CUX2: variants seen among roughly 807,000 people sequenced by gnomAD.
CUX2 encodes homeobox protein cut-like 2.
In CUX2, 40 loss-of-function variants were observed where a neutral mutation model predicts 144.8. The observed-to-expected ratio is 0.28, with a 90% CI of 0.21 to 0.36. CUX2 has a LOEUF of 0.36. Ranked by LOEUF, CUX2 falls within the 10% of genes least tolerant of loss-of-function variation. CUX2 has a pLI of 1.00. For synonymous variants in CUX2, 827 were observed against 875.6 expected, an observed-to-expected ratio of 0.94 and a Z score of 0.98; for missense variants, 1,615 against 1,994.0, an observed-to-expected ratio of 0.81 and a Z score of 3.62.
chr12:111,106,021 C>A (rs4766535), intron 1 of CUX2, among the ~76,000 whole-genome samples: 2 of 151,828 alleles, frequency 1.3e-5, no homozygotes, highest in Non-Finnish European at 2.9e-5. Flanking sequence ...TATGCCACCA[C>A]GCCTGGCTAA....
chr12:111,065,420 G>A (rs1442835059), intron 1 of CUX2, among the ~76,000 whole-genome samples: 5 of 152,166 alleles, frequency 3.3e-5, no homozygotes, highest in East Asian at 1.9e-4. Flanking sequence ...TGCAAACTCC[G>A]CCTCTCCTGA....
intron 1 of CUX2, among the ~76,000 whole-genome samples, chr12:111,080,675 A>C (rs536382204): frequency 1.3e-5 from 2 of 152,210 alleles, no homozygotes; most frequent in East Asian, 3.9e-4. Flanking sequence ...CTGGCACTCA[A>C]AAAATAAAAT....
chr12:111,293,480 G>A lies in CUX2; in HGVS notation c.471G>A (p.Thr157=), dbSNP rs750164424. The A allele has an allele frequency of 1.4e-5, 23 of 1,608,698 alleles. No individual in the cohort carries two copies. The South Asian group carries it at 1.4e-4, about 10-fold the overall frequency. ...QREGTSPAGP[T]LTEGSRLPGI... is the part of the protein sequence containing the mutation. ...AGGGGACGTCGCCTGCCGGGCCCAC[G>A]CTGACCGAGGGAAGCCGCCTCCCAG... The change falls in exon 6 of 22, where the codon ACG becomes ACA. Residue 157 remains threonine, a synonymous_variant. Transcript: ENST00000261726. The surrounding 1 kb of genome is among the most constrained non-coding windows in gnomAD (Gnocchi z 4.5).
At chr12:111,110,001 G>A (rs986863684) in intron 1 of CUX2, among the ~76,000 whole-genome samples, 1 of 151,584 alleles carries the variant, frequency 6.6e-6, no homozygotes, top group Non-Finnish European at 1.5e-5. Flanking sequence ...TCAGCCTCCA[G>A]AGTGGCTGGA....
At chr12:111,302,193 A>G (rs917875493) in intron 9 of CUX2, among the ~76,000 whole-genome samples, 6 of 152,228 alleles carry the variant, frequency 3.9e-5, no homozygotes, top group African/African-American at 1.4e-4. Flanking sequence ...TGTCCAGGTC[A>G]TTATGTAGTT....
At chr12:111,248,575 G>A (rs1287680210) in intron 3 of CUX2, among the ~76,000 whole-genome samples, 2 of 152,170 alleles carry the variant, frequency 1.3e-5, no homozygotes, top group Admixed American at 1.3e-4. Context: ...CACTCCTTCA[G>A]GGTGGGGGAG....
chr12:111,283,355 C>T (rs1462196822), intron 4 of CUX2, among the ~76,000 whole-genome samples: 3 of 152,146 alleles, frequency 2.0e-5, no homozygotes, highest in Non-Finnish European at 4.4e-5. Flanking sequence ...GGACTACCCC[C>T]GCCGTGCTCA....
At chr12:111,091,966 C>T (rs572809114) in intron 1 of CUX2, among the ~76,000 whole-genome samples, 6 of 152,358 alleles carry the variant, frequency 3.9e-5, no homozygotes, top group South Asian at 2.1e-4. Flanking sequence ...TAAATCCACC[C>T]GCCTTGGCCT....
intron 1 of CUX2, among the ~76,000 whole-genome samples, chr12:111,197,254 A>G (rs569658651): frequency 6.6e-6 from 1 of 152,368 alleles, no homozygotes; most frequent in African/African-American, 2.4e-5. Context: ...CTCAGTGCCT[A>G]CCACTTAGTC....
rs543655665 is a variant in CUX2, at chr12:111,287,294, C to T, written c.302-4124C>T. 8.3e-4 allele frequency among the ~76,000 whole-genome samples: 126 copies of T among 152,382 alleles called. No homozygotes were observed. The highest frequency in any genetic ancestry group is 2.1e-4 in the South Asian group (1 of 4,834). On this transcript the variant is annotated intron_variant, in intron 4 of 21. Transcript: ENST00000261726. The surrounding 1 kb of genome is among the most constrained non-coding windows in gnomAD (Gnocchi z 4.2). ...CCAGCAGGGCCCCTGGGCCACGAGCCGGATCCTCCCCCTCCTTGGAACCGG... is the reference window on the plus strand; with the variant it reads ...CCAGCAGGGCCCCTGGGCCACGAGCTGGATCCTCCCCCTCCTTGGAACCGG...
intron 1 of CUX2, among the ~76,000 whole-genome samples, chr12:111,179,673 C>T (rs1247196783): frequency 6.6e-6 from 1 of 150,666 alleles, no homozygotes; most frequent in African/African-American, 2.5e-5. Context: ...CAGCAGGGGC[C>T]ATGGTTTTGT....
At chr12:111,111,171 G>A (rs1440872384) in intron 1 of CUX2, among the ~76,000 whole-genome samples, 8 of 152,086 alleles carry the variant, frequency 5.3e-5, no homozygotes, top group African/African-American at 7.2e-5. Context: ...GCATGGTGGC[G>A]TGCACCTGTA....
At chr12:111,150,782 G>C (rs1417087059) in intron 1 of CUX2, among the ~76,000 whole-genome samples, 2 of 152,104 alleles carry the variant, frequency 1.3e-5, no homozygotes, top group Non-Finnish European at 2.9e-5. Context: ...GTGTGTGGAG[G>C]CCAGGGAGGA....
At position 111,310,366 on chromosome 12, in the gene CUX2, G is replaced by A. The variant is rs1886831165; in HGVS notation, c.1584G>A (p.Glu528=). ...TAPATPAPGP[E]PLGGPEPADG... is the part of the protein sequence containing the mutation. The stretch of plus-strand genomic sequence containing the variant: ...CTGCCACCCCGGCCCCTGGCCCTGA[G>A]CCACTGGGCGGTCCTGAGCCCGCGG... The change falls in exon 15 of 22, where the codon GAG becomes GAA. Residue 528 remains glutamate (E), a synonymous_variant. Coordinates refer to ENST00000261726, the MANE Select transcript of CUX2 (RefSeq NM_015267.4). The surrounding 1 kb of genome is among the most constrained non-coding windows in gnomAD (Gnocchi z 7.9). The A allele has an allele frequency of 6.3e-7, 1 of 1,584,612 alleles. No homozygotes were observed. The highest frequency in any genetic ancestry group is 1.3e-5 in the African/African-American group (1 of 74,442).
chr12:111,091,480 C>T (rs879310074), intron 1 of CUX2, among the ~76,000 whole-genome samples: 1 of 152,144 alleles, frequency 6.6e-6, no homozygotes, highest in Non-Finnish European at 1.5e-5. Context: ...CAGGATTGGG[C>T]CACCTCATCC....
At chr12:111,283,023 G>A (rs1885197451) in intron 4 of CUX2, among the ~76,000 whole-genome samples, 2 of 151,812 alleles carry the variant, frequency 1.3e-5, no homozygotes. Context: ...CACCAGCCTG[G>A]CCAACATGGT....
At chr12:111,173,647 T>C (rs1878676510) in intron 1 of CUX2, among the ~76,000 whole-genome samples, 1 of 152,142 alleles carries the variant, frequency 6.6e-6, no homozygotes, top group Non-Finnish European at 1.5e-5. Flanking sequence ...ACTGGCCTCA[T>C]GTTGGGGTGT....
rs1253935884 is a variant in CUX2, at chr12:111,307,967, A to G, written c.1110-318A>G. Reference sequence around the variant, plus strand: ...GGGTGACAGAGTGAGACTCCATCTCAAAGAAAAAAAGAAGCTGCCTGTAGA... The same window carrying G: ...GGGTGACAGAGTGAGACTCCATCTCGAAGAAAAAAAGAAGCTGCCTGTAGA... On this transcript the variant is annotated intron_variant, in intron 12 of 21. Coordinates refer to ENST00000261726, the MANE Select transcript of CUX2 (RefSeq NM_015267.4). This position sits in a 1 kb window ranked among gnomAD's most constrained non-coding sequence, Gnocchi z 4.1. 6.6e-6 allele frequency among the ~76,000 whole-genome samples: 1 copy of G among 152,176 alleles called. No homozygotes were observed. Among genetic ancestry groups the G allele is most frequent in the African/African-American group, 2.4e-5 (1 of 41,440 alleles).
chr12:111,074,329 C>A (rs966679317), intron 1 of CUX2, among the ~76,000 whole-genome samples: 7 of 152,066 alleles, frequency 4.6e-5, no homozygotes, highest in African/African-American at 1.7e-4. Context: ...GAGACTGAAT[C>A]TGTAACTAAG....
Sources: allele counts gnomAD v4.1 joint callset (sites outside exome capture counted in the v4.1 genomes callset), GRCh38; gene constraint gnomAD v4.1.1; non-coding constraint Gnocchi (gnomAD v3.1); transcripts MANE v1.5; gene names NCBI Gene and HGNC (gene_info 2026-07-23, HGNC 2026-07-21).